Variants in ARID2 observed in about 807,000 individuals in gnomAD.
ARID2 encodes AT-rich interactive domain-containing protein 2.
Under a neutral mutation model 184.6 loss-of-function variants are expected in ARID2, and 32 were observed. The ratio of observed to expected loss-of-function variants is 0.17; its 90% CI spans 0.13 to 0.23. The LOEUF (loss-of-function observed/expected upper bound fraction) is 0.23, where lower values mean the gene tolerates loss of function less well. Among genes scored for constraint, ARID2 ranks in the 10% least tolerant of loss-of-function variants. The pLI is 1.00. For missense variants in ARID2, 1,696 were observed against 2,197.6 expected, an observed-to-expected ratio of 0.77 and a Z score of 4.56; for synonymous variants, 836 against 772.6, an observed-to-expected ratio of 1.08 and a Z score of -1.36.
intron 3 of ARID2, among the ~76,000 whole-genome samples, chr12:45,767,259 T>C (rs1167176117): frequency 6.6e-6 from 1 of 152,234 alleles, no homozygotes; most frequent in African/African-American, 2.4e-5. Flanking sequence ...TATTCAATTT[T>C]GGAGTCCTTT....
In ARID2 at chr12:45,893,407, C is replaced by G; in HGVS notation, c.5148-13C>G. 6.2e-7 allele frequency: 1 copy of G among 1,602,058 alleles called. No individual in the cohort carries two copies. ...GTTAATTCTCTCTCTCTCTCTCTCT[C>G]TGATCAATTTAGGCAGCCAACTGTA... On this transcript the variant is annotated splice_polypyrimidine_tract_variant and intron_variant, in intron 18 of 20. Transcript: ENST00000334344.
At chr12:45,802,753 G>C (rs1421306429) in intron 3 of ARID2, among the ~76,000 whole-genome samples, 4 of 151,640 alleles carry the variant, frequency 2.6e-5, no homozygotes, top group African/African-American at 9.7e-5. Flanking sequence ...TTTTTCGTGA[G>C]TCAATTCATT....
chr12:45,818,001 G>C, intron 5 of ARID2, 113 bp downstream of exon 5: 1 of 768,112 alleles, frequency 1.3e-6, no homozygotes, highest in Non-Finnish European at 2.0e-6. Flanking sequence ...TTTATTTTCT[G>C]TTTTTATATT....
chr12:45,769,013 A>G (rs1941821999), intron 3 of ARID2, among the ~76,000 whole-genome samples: 1 of 152,162 alleles, frequency 6.6e-6, no homozygotes, highest in Admixed American at 6.5e-5. Flanking sequence ...GGAGATTGGG[A>G]GAAATATGCT....
chr12:45,734,294 G>A (rs955897941), intron 3 of ARID2, among the ~76,000 whole-genome samples: 36 of 152,136 alleles, frequency 2.4e-4, no homozygotes, highest in Non-Finnish European at 3.5e-4. Flanking sequence ...GCTTGAGCCC[G>A]GGAGTCGGAG....
chr12:45,803,341 C>T (rs1266664280), intron 3 of ARID2, among the ~76,000 whole-genome samples: 1 of 151,896 alleles, frequency 6.6e-6, no homozygotes. Context: ...TTTTTTTTGC[C>T]ATATCTTCCA....
intron 11 of ARID2, chr12:45,845,910 ATAAT>A (rs1943431710): frequency 6.6e-6 from 1 of 152,208 alleles, no homozygotes; most frequent in Admixed American, 6.5e-5. Context: ...TGAAAAAAGG[ATAAT>A]TAATTTTTAT....
At chr12:45,899,188 T>C (rs1382651265) in intron 20 of ARID2, among the ~76,000 whole-genome samples, 3 of 133,060 alleles carry the variant, frequency 2.3e-5, no homozygotes, top group Non-Finnish European at 4.8e-5. Context: ...AGGAGAATCA[T>C]TTGAACCCGT....
chr12:45,887,332 T>G (rs1162182249), intron 16 of ARID2, among the ~76,000 whole-genome samples: 1 of 152,236 alleles, frequency 6.6e-6, no homozygotes. Flanking sequence ...TACTACATTT[T>G]GCATTGTTTT....
rs1565573555 is a variant in ARID2, at chr12:45,729,808, G to GT, written c.-23dup. 3 of 1,581,542 alleles carry GT rather than the reference G, an allele frequency of 1.9e-6. No homozygotes were observed. Among genetic ancestry groups the GT allele is most frequent in the Non-Finnish European group, 1.7e-6 (2 of 1,163,308 alleles). The stretch of plus-strand genomic sequence containing the variant: ...GGGCGCTTTTAAAACACCGATCTGG[G>GT]TTTTTTAAAAACCTCCTTTGAAAAA... On this transcript the variant is annotated 5_prime_UTR_variant, in exon 1 of 21. Coordinates refer to ENST00000334344, the MANE Select transcript of ARID2 (RefSeq NM_152641.4).
chr12:45,771,576 G>A (rs1941877722), intron 3 of ARID2, among the ~76,000 whole-genome samples: 1 of 151,804 alleles, frequency 6.6e-6, no homozygotes, highest in Admixed American at 6.6e-5. Flanking sequence ...GGTAGGCTGA[G>A]GTGGGAGGAT....
At chr12:45,767,859 AAG>A (rs1941801127) in intron 3 of ARID2, among the ~76,000 whole-genome samples, 1 of 152,212 alleles carries the variant, frequency 6.6e-6, no homozygotes, top group Non-Finnish European at 1.5e-5. Flanking sequence ...AGAAATCATT[AAG>A]AGACATTTGA....
intron 16 of ARID2, chr12:45,882,234 A>C (rs1470073984): frequency 6.6e-6 from 1 of 152,212 alleles, no homozygotes; most frequent in Non-Finnish European, 1.5e-5. Context: ...TGGGACCCCA[A>C]GGCCCAGGTC....
Position 45,852,614 on chromosome 12 carries a change from T to A in ARID2, c.4491T>A (p.Pro1497=), listed in dbSNP as rs1259134181. Residue 1497 remains proline, a synonymous_variant, in exon 15 of 21, where the codon CCT becomes CCA. Transcript: ENST00000334344. ...PDSGSKVSHS[P]ALSSDVRSTN... is the part of the protein sequence containing the mutation. Reference sequence around the variant, plus strand: ...CAGGATCAAAAGTATCCCATTCTCCTGCCCTATCATCTGACGTTCGGTCTA... The same window carrying A: ...CAGGATCAAAAGTATCCCATTCTCCAGCCCTATCATCTGACGTTCGGTCTA... 4 of 1,614,192 alleles carry A rather than the reference T, an allele frequency of 2.5e-6. No homozygotes were observed. The highest frequency in any genetic ancestry group is 3.4e-6 in the Non-Finnish European group (4 of 1,180,016).
In ARID2 at chr12:45,850,168, C is replaced by A. The variant is rs765075542; in HGVS notation, c.2045C>A (p.Ser682Ter). Residue 682 changes from serine to a stop codon, truncating the protein, a stop_gained, in exon 15 of 21, where the codon TCA (serine) becomes TAA (stop). Transcript: ENST00000334344. LOFTEE classifies it high-confidence loss of function. ...QGVHTVAQTV[S>*]RIPQNPSPHT... Reference sequence around the variant, plus strand: ...GTTCATACTGTGGCACAAACTGTTTCAAGAATTCCACAAAATCCTTCACCT... The same window carrying A: ...GTTCATACTGTGGCACAAACTGTTTAAAGAATTCCACAAAATCCTTCACCT... 1 of 1,614,116 alleles carries A rather than the reference C, an allele frequency of 6.2e-7. No individual in the cohort carries two copies. The highest frequency in any genetic ancestry group is 8.5e-7 in the Non-Finnish European group (1 of 1,179,976).
intron 11 of ARID2, among the ~76,000 whole-genome samples, chr12:45,843,202 T>G (rs1187621713): frequency 6.6e-6 from 1 of 150,492 alleles, no homozygotes; most frequent in Non-Finnish European, 1.5e-5. Context: ...GAGTATAAAT[T>G]ATACTTGTTA....
At chr12:45,786,410 G>T (rs1942197033) in intron 3 of ARID2, among the ~76,000 whole-genome samples, 1 of 152,140 alleles carries the variant, frequency 6.6e-6, no homozygotes. Context: ...AATCAGTATT[G>T]TCCTATAAAA....
intron 2 of ARID2, 56 bp downstream of exon 2, chr12:45,730,193 C>G (rs887007307): frequency 4.4e-6 from 7 of 1,577,822 alleles, no homozygotes; most frequent in Non-Finnish European, 6.1e-6. Context: ...CAAAAAGTCT[C>G]CTTTGACCCC....
chr12:45,833,018 T>C (rs532799515), intron 6 of ARID2, among the ~76,000 whole-genome samples: 6 of 152,322 alleles, frequency 3.9e-5, no homozygotes, highest in Non-Finnish European at 7.3e-5. Context: ...ATGGGGGTGT[T>C]CCACAGGTCA....
Sources: gnomAD v4.1 joint callset for allele counts (sites outside exome capture counted in the v4.1 genomes callset) on GRCh38, gnomAD v4.1.1 for gene constraint, MANE v1.5 for transcripts, NCBI Gene and HGNC (gene_info 2026-07-23, HGNC 2026-07-21) for gene names.